Variants in KDM2B observed in about 807,000 individuals in gnomAD.
The protein encoded by KDM2B is lysine-specific demethylase 2B.
KDM2B carries 26 observed loss-of-function variants against 150.0 expected under a neutral mutation model. That is an observed-to-expected ratio of 0.17 (90% CI 0.13 to 0.24). KDM2B has a LOEUF of 0.24. KDM2B is among the 10% of genes least tolerant of loss of function. The pLI is 1.00. For missense variants in KDM2B, 1,265 were observed against 1,816.9 expected (o/e 0.70, Z 5.52); for synonymous variants, 734 against 729.5 (o/e 1.01, Z -0.10).
intron 4 of KDM2B, among the ~76,000 whole-genome samples, chr12:121,566,289 C>G (rs557408681): frequency 3.5e-3 from 535 of 152,022 alleles, no homozygotes; most frequent in Non-Finnish European, 5.7e-3. Flanking sequence ...GAGTTCAAGA[C>G]CAGCCTGGCC....
the KDM2B span, among the ~76,000 whole-genome samples, chr12:121,415,994 C>T: frequency 1.3e-5 from 2 of 152,014 alleles, no homozygotes; most frequent in Non-Finnish European, 2.9e-5. Flanking sequence ...TTGGAAATAG[C>T]AGAAAATTCT....
At chr12:121,443,961 C>A in intron 16 of KDM2B, 51 bp downstream of exon 16, 1 of 1,563,086 alleles carries the variant, frequency 6.4e-7, no homozygotes, top group Non-Finnish European at 8.7e-7. Flanking sequence ...ACCCAGCACC[C>A]GGGACCAGCC....
chr12:121,561,992 C>T (rs34085220), intron 4 of KDM2B, among the ~76,000 whole-genome samples: 1,848 of 152,018 alleles, frequency 0.012, 15 homozygotes, highest in Non-Finnish European at 0.02. Flanking sequence ...GCCAACATGG[C>T]GAAACCCTGT....
At chr12:121,539,900 C>T (rs968623283) in intron 6 of KDM2B, among the ~76,000 whole-genome samples, 1 of 151,994 alleles carries the variant, frequency 6.6e-6, no homozygotes, top group Non-Finnish European at 1.5e-5. Flanking sequence ...CCACTACACC[C>T]GGCTGATTTT....
At chr12:121,570,449 G>A (rs1594152524) in intron 4 of KDM2B, among the ~76,000 whole-genome samples, 1 of 152,130 alleles carries the variant, frequency 6.6e-6, no homozygotes, top group East Asian at 1.9e-4. Context: ...GCCTCCCAAA[G>A]TGCTGGAACT....
In KDM2B at chr12:121,509,582, G is replaced by A. The variant is rs1224960620; in HGVS notation, c.1632C>T (p.Leu544=). Reference sequence around the variant, plus strand: ...TCCTGCCCACCTTCACACCCTCCAGGAGTGCCTGGGGGTCCTCGATGCCCT... The same window carrying A: ...TCCTGCCCACCTTCACACCCTCCAGAAGTGCCTGGGGGTCCTCGATGCCCT... ...VPEGIEDPQA[L]LEGVKNVLKE... The change falls in exon 11 of 23, where the codon CTC becomes CTT. Residue 544 remains leucine (L), a synonymous_variant. Coordinates refer to ENST00000377071, the MANE Select transcript of KDM2B (RefSeq NM_032590.5). 3.1e-6 allele frequency: 5 copies of A among 1,612,964 alleles called. No homozygotes were observed. The highest frequency in any genetic ancestry group is 3.4e-6 in the Non-Finnish European group (4 of 1,179,844).
the KDM2B span, among the ~76,000 whole-genome samples, chr12:121,421,371 T>TACAAAAAAAAAAAAAAAA: frequency 2.2e-5 from 1 of 46,378 alleles, no homozygotes; most frequent in African/African-American, 6.8e-5. Flanking sequence ...ATCCCATCTC[T>TACAAAAAAAAAAAAAAAA]AAAAAAAAAA....
At chr12:121,498,543 G>A (rs570996113) in intron 11 of KDM2B, among the ~76,000 whole-genome samples, 5 of 152,298 alleles carry the variant, frequency 3.3e-5, no homozygotes, top group Admixed American at 2.0e-4. Flanking sequence ...AAAACCCACT[G>A]TGAGTGAAAC....
rs1877408668 is a variant in KDM2B, at chr12:121,452,241, AT to A, written c.1959+878del. 1.3e-5 allele frequency among the ~76,000 whole-genome samples: 2 copies of A among 152,260 alleles called. No individual in the cohort carries two copies. Among genetic ancestry groups the A allele is most frequent in the Admixed American group, 1.3e-4 (2 of 15,286 alleles). On this transcript the variant is annotated intron_variant, in intron 13 of 22. Coordinates refer to ENST00000377071, the MANE Select transcript of KDM2B (RefSeq NM_032590.5). This position sits in a 1 kb window ranked among gnomAD's most constrained non-coding sequence, Gnocchi z 4.4. Reference sequence around the variant, plus strand: ...GGATCAGCTTCCCAAAAACGTGCATATGGTAATACTACTGTACTGCATACTT... The same window carrying A: ...GGATCAGCTTCCCAAAAACGTGCATAGGTAATACTACTGTACTGCATACTT...
chr12:121,446,351 C>G (rs1182867673), intron 13 of KDM2B, among the ~76,000 whole-genome samples: 1 of 152,142 alleles, frequency 6.6e-6, no homozygotes, highest in Non-Finnish European at 1.5e-5. Context: ...TGAGCCGAGA[C>G]CATGCCACTG....
chr12:121,480,581 A>G (rs1483409835), intron 12 of KDM2B, among the ~76,000 whole-genome samples: 1 of 81,382 alleles, frequency 1.2e-5, no homozygotes, highest in Non-Finnish European at 2.2e-5. Flanking sequence ...CCCTGTCGCT[A>G]CCAAAAAAAA....
chr12:121,562,658 G>C (rs531961727), intron 4 of KDM2B, among the ~76,000 whole-genome samples: 19 of 151,070 alleles, frequency 1.3e-4, no homozygotes, highest in Non-Finnish European at 2.4e-4. Flanking sequence ...GGAGGAGGAG[G>C]AGGAGGAAGG....
chr12:121,527,430 G>A (rs1158037171), intron 8 of KDM2B, among the ~76,000 whole-genome samples: 1 of 146,100 alleles, frequency 6.8e-6, no homozygotes, highest in East Asian at 2.1e-4. Flanking sequence ...GGAGGCCAAG[G>A]CGGGCAGATC....
chr12:121,434,305 G>A (rs1282923718), intron 22 of KDM2B, among the ~76,000 whole-genome samples: 2 of 152,068 alleles, frequency 1.3e-5, no homozygotes, highest in African/African-American at 2.4e-5. Flanking sequence ...GGAGGCCGAG[G>A]TGGGCGGATC....
At chr12:121,515,117 A>G (rs558908878) in intron 9 of KDM2B, among the ~76,000 whole-genome samples, 1 of 2,330 alleles carries the variant, frequency 4.3e-4, no homozygotes, top group African/African-American at 3.4e-3. Context: ...CCCATCCCCC[A>G]ATCACACTCC....
chr12:121,413,602 G>T, the KDM2B span, among the ~76,000 whole-genome samples: 1 of 143,336 alleles, frequency 7.0e-6, no homozygotes, highest in Non-Finnish European at 1.5e-5. Flanking sequence ...TTTTGAGATG[G>T]AGTCTCGCTT....
At chr12:121,531,775 T>C (rs1482961121) in intron 8 of KDM2B, among the ~76,000 whole-genome samples, 1 of 152,066 alleles carries the variant, frequency 6.6e-6, no homozygotes, top group Non-Finnish European at 1.5e-5. Flanking sequence ...ACCTCCAAAG[T>C]ACAATGACCA....
rs186048604 is a variant in KDM2B, at chr12:121,580,851, C to G, written c.61G>C (p.Ala21Pro). 5.5e-5 allele frequency: 88 copies of G among 1,614,050 alleles called. No homozygotes were observed. The highest frequency in any genetic ancestry group is 7.4e-5 in the Non-Finnish European group (87 of 1,179,970). ...EDHPPRKRHA[A>P]EKQKKKTVIY... ...ACTGTTTTCTTTTTTTGCTTTTCTG[C>G]TGCATGTCTTTTTCGTGGGGGGTGA... is the stretch of plus-strand genomic sequence containing the variant. Residue 21 changes from alanine (A) to proline (P), a missense_variant, in exon 1 of 23, where the codon GCA (alanine) becomes CCA (proline). Physicochemically the swap from Ala to Pro is conservative, Grantham distance 27. Coordinates refer to ENST00000377071, the MANE Select transcript of KDM2B (RefSeq NM_032590.5).
At chr12:121,454,198 C>T (rs1877839893) in intron 12 of KDM2B, among the ~76,000 whole-genome samples, 1 of 152,210 alleles carries the variant, frequency 6.6e-6, no homozygotes, top group East Asian at 1.9e-4. Flanking sequence ...AGACGGGGCA[C>T]AGGAGGGCAC....
Sources: gnomAD v4.1 joint callset for allele counts (sites outside exome capture counted in the v4.1 genomes callset) on GRCh38, gnomAD v4.1.1 for gene constraint, Gnocchi (gnomAD v3.1) non-coding constraint, MANE v1.5 for transcripts, NCBI Gene and HGNC (gene_info 2026-07-23, HGNC 2026-07-21) for gene names.